BFAR: variants seen among roughly 807,000 people sequenced by gnomAD.
BFAR encodes the protein RING finger protein 47.
Under a neutral mutation model 54.4 loss-of-function variants are expected in BFAR, and 52 were observed. The ratio of observed to expected loss-of-function variants is 0.96; its 90% CI spans 0.77 to 1.21. BFAR has a LOEUF of 1.21. Ranked by LOEUF, BFAR falls within the 50% of genes most tolerant of loss-of-function variation. BFAR has a pLI of 0.00. For synonymous variants in BFAR, 215 were observed against 204.3 expected (o/e 1.05, Z -0.45); for missense variants, 571 against 534.0 (o/e 1.07, Z -0.68).
chr16:14,649,312 G>T (rs868662019), intron 3 of BFAR, among the ~76,000 whole-genome samples: 31 of 152,106 alleles, frequency 2.0e-4, no homozygotes, highest in African/African-American at 7.2e-4. Context: ...CTGACCTCAA[G>T]TGATCCACCC....
chr16:14,653,098 A>T (rs1449047662), intron 4 of BFAR, among the ~76,000 whole-genome samples: 2 of 152,216 alleles, frequency 1.3e-5, no homozygotes, highest in African/African-American at 4.8e-5. Context: ...ATTTTTACAT[A>T]GCTTTCTAGA....
chr16:14,637,534 C>A (rs56826720), intron 1 of BFAR, among the ~76,000 whole-genome samples: 39,062 of 151,986 alleles, frequency 0.26, 5,383 homozygotes, highest in Middle Eastern at 0.33. Flanking sequence ...ATAAGGCCTC[C>A]GTAAATATTA....
intron 1 of BFAR, among the ~76,000 whole-genome samples, chr16:14,637,361 ATTTT>A (rs56024170): frequency 6.7e-6 from 1 of 148,902 alleles, no homozygotes; most frequent in Admixed American, 6.7e-5. Context: ...TCAGACCATG[ATTTT>A]TTTTTTTCTT....
intron 1 of BFAR, among the ~76,000 whole-genome samples, chr16:14,641,550 CAAAA>C (rs530864447): frequency 2.0e-5 from 2 of 102,472 alleles, no homozygotes; most frequent in African/African-American, 4.4e-5. Context: ...GACTCCATCT[CAAAA>C]AAAAAAAAAA....
At position 14,655,046 on chromosome 16, in the gene BFAR, C is replaced by T. The variant is rs1205116939; in HGVS notation, c.639-20C>T. ...TCCAGTATATAATCGCAAAATAAAT[C>T]TCCTCCTGCCCCTCTACAGGTTGCT... On this transcript the variant is annotated intron_variant, in intron 4 of 7. Coordinates refer to ENST00000261658, the MANE Select transcript of BFAR (RefSeq NM_016561.3). 5 of 1,580,802 alleles carry T rather than the reference C, an allele frequency of 3.2e-6. No homozygotes were observed. The highest frequency in any genetic ancestry group is 3.4e-6 in the Non-Finnish European group (4 of 1,167,474).
At position 14,655,163 on chromosome 16, in the gene BFAR, G is replaced by A. The variant is rs146982533; in HGVS notation, c.736G>A (p.Val246Ile). ...RRAILMELER[V>I]KALGVKPPQN... ...AGCCATCCTCATGGAGCTAGAACGT[G>A]TCAAAGCATTAGGCGTGAAGCCCCC... Residue 246 changes from valine (V) to isoleucine (I), a missense_variant, in exon 5 of 8, where the codon GTC becomes ATC. Physicochemically the swap from Val to Ile is conservative, Grantham distance 29. Coordinates refer to ENST00000261658, the MANE Select transcript of BFAR (RefSeq NM_016561.3). 2.0e-4 allele frequency: 319 copies of A among 1,601,756 alleles called. No individual in the cohort carries two copies. The highest frequency in any genetic ancestry group is 2.6e-4 in the Non-Finnish European group (302 of 1,174,814).
chr16:14,647,346 A>G (rs1358813007), intron 2 of BFAR, among the ~76,000 whole-genome samples: 1 of 150,806 alleles, frequency 6.6e-6, no homozygotes, highest in Non-Finnish European at 1.5e-5. Context: ...CGGCCTCCCA[A>G]AGTGCTGGGA....
chr16:14,656,208 AAAAGC>A (rs1375229735), intron 5 of BFAR, among the ~76,000 whole-genome samples: 1 of 152,126 alleles, frequency 6.6e-6, no homozygotes, highest in African/African-American at 2.4e-5. Flanking sequence ...TCCCAAAAAA[AAAAGC>A]AAAGAACAGA....
intron 7 of BFAR, among the ~76,000 whole-genome samples, chr16:14,666,444 G>A (rs1023236788): frequency 4.6e-5 from 7 of 152,154 alleles, no homozygotes; most frequent in Non-Finnish European, 1.0e-4. Context: ...GGCGGTGGGT[G>A]CCTGTAATCC....
chr16:14,644,620 G>T lies in BFAR; in HGVS notation c.263+11G>T. ...CAGTATTCTCCTCAGGTAATGTTCA[G>T]CCTATATTGGTAGCACAAACAGCCC... On this transcript the variant is annotated intron_variant, in intron 2 of 7. Transcript: ENST00000261658. The T allele has an allele frequency of 6.2e-7, 1 of 1,607,906 alleles. No homozygotes were observed. The highest frequency in any genetic ancestry group is 8.5e-7 in the Non-Finnish European group (1 of 1,178,364).
intron 1 of BFAR, among the ~76,000 whole-genome samples, chr16:14,638,394 G>A (rs1367577225): frequency 1.3e-5 from 2 of 152,066 alleles, no homozygotes; most frequent in African/African-American, 4.8e-5. Flanking sequence ...TAAAAAAGAA[G>A]AAATGATTGA....
chr16:14,660,347 C>T (rs1179234140), intron 5 of BFAR, among the ~76,000 whole-genome samples: 3 of 152,032 alleles, frequency 2.0e-5, no homozygotes, highest in Admixed American at 1.3e-4. Flanking sequence ...ATTTCAATGG[C>T]AAGATCTTGG....
intron 2 of BFAR, among the ~76,000 whole-genome samples, chr16:14,645,439 C>T (rs1010056208): frequency 3.9e-5 from 6 of 152,302 alleles, no homozygotes; most frequent in African/African-American, 7.2e-5. Flanking sequence ...TAGAGTTTCT[C>T]ATGTGTAGCA....
At chr16:14,635,365 A>G (rs1346239154) in intron 1 of BFAR, among the ~76,000 whole-genome samples, 5 of 152,062 alleles carry the variant, frequency 3.3e-5, no homozygotes, top group African/African-American at 1.2e-4. Context: ...ACAAACAAAA[A>G]CCAATAGTTA....
intron 1 of BFAR, among the ~76,000 whole-genome samples, chr16:14,639,292 C>G (rs1959549663): frequency 6.6e-6 from 1 of 152,038 alleles, no homozygotes; most frequent in African/African-American, 2.4e-5. Flanking sequence ...ATCCCAGCAC[C>G]CCAGAACTAA....
intron 1 of BFAR, among the ~76,000 whole-genome samples, chr16:14,643,282 C>T (rs970489572): frequency 4.6e-5 from 7 of 152,166 alleles, no homozygotes; most frequent in African/African-American, 1.4e-4. Flanking sequence ...CGCACTCCAG[C>T]CTGGCTGATA....
rs185333759 is a variant in BFAR at position 14,656,698 on chromosome 16, C to G, written c.783+1488C>G. Among the ~76,000 whole-genome samples, 5 of 152,184 alleles carry G rather than the reference C, an allele frequency of 3.3e-5. No homozygotes were observed. In the East Asian group the frequency reaches 9.6e-4, roughly 29 times the overall value. On this transcript the variant is annotated intron_variant, in intron 5 of 7. Coordinates refer to ENST00000261658, the MANE Select transcript of BFAR (RefSeq NM_016561.3). ...TTCACGGCAGCATTGTTGGTAATTGCAGGGAGTAGAAAACAACCTAAGTGC... is the reference window on the plus strand; with the variant it reads ...TTCACGGCAGCATTGTTGGTAATTGGAGGGAGTAGAAAACAACCTAAGTGC...
At chr16:14,636,601 G>C (rs917136029) in intron 1 of BFAR, among the ~76,000 whole-genome samples, 1 of 152,176 alleles carries the variant, frequency 6.6e-6, no homozygotes, top group Admixed American at 6.5e-5. Context: ...GCCCAGGGAC[G>C]GGCAGGAGAC....
intron 1 of BFAR, among the ~76,000 whole-genome samples, chr16:14,637,573 G>T (rs1459521902): frequency 6.6e-6 from 1 of 152,130 alleles, no homozygotes; most frequent in Non-Finnish European, 1.5e-5. Context: ...AATGGCTCAC[G>T]CCTGTAAATC....
Sources: gnomAD v4.1 joint callset for allele counts (sites outside exome capture counted in the v4.1 genomes callset) on GRCh38, gnomAD v4.1.1 for gene constraint, MANE v1.5 for transcripts, NCBI Gene and HGNC (gene_info 2026-07-23, HGNC 2026-07-21) for gene names.